SS18: variants seen among roughly 807,000 people sequenced by gnomAD.
SS18 encodes protein SSXT.
In SS18, 28 loss-of-function variants were observed where a neutral mutation model predicts 72.5. The observed-to-expected ratio is 0.39, with a 90% CI of 0.29 to 0.53. The LOEUF is 0.53. Among genes scored for constraint, SS18 ranks in the 20% least tolerant of loss-of-function variants. SS18 has a pLI of 0.76. For synonymous variants in SS18, 172 were observed against 164.2 expected (o/e 1.05, Z -0.37); for missense variants, 518 against 535.3 (o/e 0.97, Z 0.32).
In SS18 at chr18:26,018,127, A is replaced by G; in HGVS notation, c.*227T>C. On this transcript the variant is annotated 3_prime_UTR_variant, in exon 11 of 11. Coordinates refer to ENST00000415083, the MANE Select transcript of SS18 (RefSeq NM_001007559.3). ...GTTATGTCATTGCATTTTCTGTCCA[A>G]TGTTGCCATCTAGAGTAGAAATGTG... 1 of 421,364 alleles carries G rather than the reference A, an allele frequency of 2.4e-6. No homozygotes were observed. The highest frequency in any genetic ancestry group is 4.1e-5 in the Admixed American group (1 of 24,370). The allele number at this position is 421,364 out of a possible 1,614,324, so 26.1% of individuals were successfully genotyped here.
At position 26,090,525 on chromosome 18, in the gene SS18, C is replaced by T. The variant is rs1277245228; in HGVS notation, c.45G>A (p.Glu15=). The part of the protein sequence containing the change: ...FAAPRQRGKG[E]ITPAAIQKML... ...CCTTCTGAATCGCAGCGGGAGTGAT[C>T]TCCCCCTTGCCTCGCTGCCTCGGGG... The change falls in exon 1 of 11, where the codon GAG becomes GAA. Residue 15 remains glutamate, a synonymous_variant. Transcript: ENST00000415083. 1 of 1,586,176 alleles carries T rather than the reference C, an allele frequency of 6.3e-7. No individual in the cohort carries two copies. The highest frequency in any genetic ancestry group is 8.6e-7 in the Non-Finnish European group (1 of 1,166,900).
chr18:26,077,237 A>G (rs2054432503), intron 3 of SS18, among the ~76,000 whole-genome samples: 1 of 151,978 alleles, frequency 6.6e-6, no homozygotes, highest in Admixed American at 6.6e-5. Context: ...GAACAACCAA[A>G]CATGTTCTTC....
intron 5 of SS18, among the ~76,000 whole-genome samples, chr18:26,043,915 AAAT>A (rs1255616139): frequency 6.6e-6 from 1 of 152,222 alleles, no homozygotes; most frequent in Admixed American, 6.5e-5. Flanking sequence ...AAGGTATTAA[AAAT>A]AATATCAATA....
chr18:26,078,759 C>T (rs563623909), intron 2 of SS18, among the ~76,000 whole-genome samples: 11 of 152,218 alleles, frequency 7.2e-5, no homozygotes, highest in South Asian at 2.1e-4. Context: ...TGGTGGCACA[C>T]GCCTGTAATT....
chr18:26,090,940 C>G, upstream of SS18: 1 of 308,996 alleles, frequency 3.2e-6, no homozygotes, highest in South Asian at 4.2e-5. Context: ...GCTGGGGCAG[C>G]CCCTGTCACA....
chr18:26,033,188 T>A (rs2053572538), intron 9 of SS18, among the ~76,000 whole-genome samples: 5 of 152,186 alleles, frequency 3.3e-5, no homozygotes. Context: ...GGGACTGACT[T>A]GGCTTGCTAA....
chr18:26,076,460 A>G (rs1470677633), intron 3 of SS18, among the ~76,000 whole-genome samples: 1 of 151,944 alleles, frequency 6.6e-6, no homozygotes, highest in Non-Finnish European at 1.5e-5. Context: ...ATCCACATGG[A>G]AACAAATGAA....
chr18:26,048,215 G>A (rs2053863291), intron 5 of SS18, among the ~76,000 whole-genome samples: 3 of 152,196 alleles, frequency 2.0e-5, no homozygotes. Context: ...TGTCTCTCAA[G>A]TAGTTCAAGT....
chr18:26,073,895 A>T (rs550254783), intron 3 of SS18, among the ~76,000 whole-genome samples: 1 of 152,320 alleles, frequency 6.6e-6, no homozygotes, highest in East Asian at 1.9e-4. Context: ...AACTGTATTT[A>T]TCTAGGCATG....
intron 3 of SS18, among the ~76,000 whole-genome samples, chr18:26,072,564 A>G (rs1030942482): frequency 6.6e-6 from 1 of 152,042 alleles, no homozygotes; most frequent in Non-Finnish European, 1.5e-5. Context: ...TTGGGAGGCC[A>G]AGGCAGACGG....
At chr18:26,074,419 G>A (rs997130215) in intron 3 of SS18, among the ~76,000 whole-genome samples, 1 of 151,720 alleles carries the variant, frequency 6.6e-6, no homozygotes, top group Non-Finnish European at 1.5e-5. Context: ...CTACATGTCT[G>A]TGTGAGACTG....
intron 4 of SS18, among the ~76,000 whole-genome samples, chr18:26,056,525 C>G (rs1366242528): frequency 6.6e-6 from 1 of 152,214 alleles, no homozygotes; most frequent in Non-Finnish European, 1.5e-5. Context: ...CCACTGCCCT[C>G]CTATATGATC....
chr18:26,057,781 TAATATACGA>T, intron 3 of SS18, 39 bp from the exon 4 acceptor site: 1 of 1,552,370 alleles, frequency 6.4e-7, no homozygotes. Context: ...AGAAACAGAC[TAATATACGA>T]AAGATGCATA....
chr18:26,071,333 T>C (rs972601648), intron 3 of SS18, among the ~76,000 whole-genome samples: 4 of 152,132 alleles, frequency 2.6e-5, no homozygotes, highest in Non-Finnish European at 5.9e-5. Flanking sequence ...AATCCACACC[T>C]AAACATACTA....
chr18:26,040,361 G>A (rs1042142020), intron 5 of SS18, among the ~76,000 whole-genome samples: 8 of 152,112 alleles, frequency 5.3e-5, no homozygotes, highest in African/African-American at 1.9e-4. Flanking sequence ...GCCAAGTTAC[G>A]GTATGGGGAA....
intron 10 of SS18, among the ~76,000 whole-genome samples, chr18:26,021,776 C>T (rs1431271756): frequency 6.6e-6 from 1 of 152,178 alleles, no homozygotes; most frequent in African/African-American, 2.4e-5. Flanking sequence ...GGCAATCTAG[C>T]TTGGTGATAG....
In SS18 at chr18:26,052,725, G is replaced by T; in HGVS notation, c.506C>A (p.Ser169Ter). 6.2e-7 allele frequency: 1 copy of T among 1,614,030 alleles called. No individual in the cohort carries two copies. Among genetic ancestry groups the T allele is most frequent in the Non-Finnish European group, 8.5e-7 (1 of 1,179,888 alleles). Reference sequence around the variant, plus strand: ...ATTCTGTACTGGCATGCTCTGTGATGATGGCACAGAATGGTTGTAACCTCC... The same window carrying T: ...ATTCTGTACTGGCATGCTCTGTGATTATGGCACAGAATGGTTGTAACCTCC... ...SMGGYNHSVP[S>*]SQSMPVQNQM... The change falls in exon 5 of 11, where the codon TCA becomes TAA. Residue 169 changes from serine (S) to a stop codon, truncating the protein, a stop_gained. Transcript: ENST00000415083. LOFTEE classifies it high-confidence loss of function.
intron 3 of SS18, among the ~76,000 whole-genome samples, chr18:26,060,658 C>T (rs1451984060): frequency 4.0e-5 from 6 of 151,294 alleles, no homozygotes; most frequent in African/African-American, 1.2e-4. Flanking sequence ...GATGTGGTGG[C>T]TCATGCCTGT....
In SS18 at chr18:26,038,765, C is replaced by A; in HGVS notation, c.776-106G>T. 2.8e-6 allele frequency: 3 copies of A among 1,060,110 alleles called. No homozygotes were observed. The East Asian group carries it at 7.4e-5, about 26-fold the overall frequency. The allele number at this position is 1,060,110 out of a possible 1,614,324, so 65.7% of individuals were successfully genotyped here. ...AAAGATTATTTCTCAACTATAGATTCCCATCTCATAATTTGGCATTTCAGA... is the reference window on the plus strand; with the variant it reads ...AAAGATTATTTCTCAACTATAGATTACCATCTCATAATTTGGCATTTCAGA... On this transcript the variant is annotated intron_variant, in intron 6 of 10. Coordinates refer to ENST00000415083, the MANE Select transcript of SS18 (RefSeq NM_001007559.3).
Sources: allele counts gnomAD v4.1 joint callset (sites outside exome capture counted in the v4.1 genomes callset), GRCh38; gene constraint gnomAD v4.1.1; transcripts MANE v1.5; gene names NCBI Gene and HGNC (gene_info 2026-07-23, HGNC 2026-07-21).